LRRC4C: variants seen among roughly 807,000 people sequenced by gnomAD.
LRRC4C encodes leucine-rich repeat-containing protein 4C.
A neutral mutation model predicts 33.6 loss-of-function variants in LRRC4C; 5 were observed. The ratio of observed to expected loss-of-function variants is 0.15; its 90% CI spans 0.08 to 0.31. The LOEUF is 0.31. Among genes scored for constraint, LRRC4C ranks in the 10% least tolerant of loss-of-function variants. LRRC4C has a pLI of 1.00. For synonymous variants in LRRC4C, 329 were observed against 302.0 expected (o/e 1.09, Z -0.93); for missense variants, 560 against 796.7 (o/e 0.70, Z 3.58).
At chr11:41,084,990 A>G (rs562330674) in intron 1 of LRRC4C, among the ~76,000 whole-genome samples, 1 of 152,346 alleles carries the variant, frequency 6.6e-6, no homozygotes, top group East Asian at 1.9e-4. Context: ...CTTAGCATAT[A>G]TAAATAGTGG....
At chr11:40,834,750 A>G (rs779682546) in intron 2 of LRRC4C, among the ~76,000 whole-genome samples, 2 of 152,118 alleles carry the variant, frequency 1.3e-5, no homozygotes, top group Non-Finnish European at 2.9e-5. Context: ...ATAGGAAGCT[A>G]CTATTTTTGT....
intron 1 of LRRC4C, among the ~76,000 whole-genome samples, chr11:41,047,684 C>G (rs746234980): frequency 1.3e-5 from 2 of 152,174 alleles, no homozygotes; most frequent in Non-Finnish European, 2.9e-5. Context: ...TTGTTAATCA[C>G]AGAATTAAAA....
chr11:40,979,033 T>C (rs75321761), intron 1 of LRRC4C, among the ~76,000 whole-genome samples: 3,358 of 152,296 alleles, frequency 0.022, 113 homozygotes, highest in African/African-American at 0.077. Context: ...AGTTCTTCTT[T>C]CTAGGATAAT....
At chr11:40,978,822 G>A (rs1301708692) in intron 1 of LRRC4C, among the ~76,000 whole-genome samples, 1 of 151,588 alleles carries the variant, frequency 6.6e-6, no homozygotes, top group Non-Finnish European at 1.5e-5. Flanking sequence ...AGTAGAGATG[G>A]GATTTCACCA....
chr11:40,488,935 G>C (rs904330873), intron 3 of LRRC4C, among the ~76,000 whole-genome samples: 7 of 152,034 alleles, frequency 4.6e-5, no homozygotes. Flanking sequence ...TTTTAAAAAT[G>C]GAGAATAATA....
At chr11:40,352,198 G>A (rs1202816789) in intron 3 of LRRC4C, among the ~76,000 whole-genome samples, 1 of 117,600 alleles carries the variant, frequency 8.5e-6, no homozygotes, top group Non-Finnish European at 1.8e-5. Context: ...TACTTCCTTC[G>A]AAGGTGTTTT....
At chr11:41,309,796 AGCAAGCTCAGCTATTCT>A (rs1208588853) in intron 1 of LRRC4C, among the ~76,000 whole-genome samples, 1 of 152,242 alleles carries the variant, frequency 6.6e-6, no homozygotes, top group African/African-American at 2.4e-5. Context: ...ATACAGGCCT[AGCAAGCTCAGCTATTCT>A]GCCTTTTACC....
chr11:40,480,662 A>C (rs543224705), intron 3 of LRRC4C, among the ~76,000 whole-genome samples: 12 of 152,286 alleles, frequency 7.9e-5, no homozygotes, highest in Non-Finnish European at 1.2e-4. Context: ...GTATAGACAC[A>C]GATTCTTTGT....
At chr11:40,175,362 G>T (rs765583166) in intron 5 of LRRC4C, among the ~76,000 whole-genome samples, 9 of 152,214 alleles carry the variant, frequency 5.9e-5, no homozygotes, top group African/African-American at 1.9e-4. Context: ...AGGCTTCCCA[G>T]TGAACAAGGA....
intron 5 of LRRC4C, among the ~76,000 whole-genome samples, chr11:40,145,857 G>A (rs184347099): frequency 2.4e-4 from 37 of 152,184 alleles, no homozygotes; most frequent in African/African-American, 8.7e-4. Context: ...TTTAATCAGT[G>A]CGTTGTCACT....
At chr11:40,144,529 A>C (rs923969589) in intron 5 of LRRC4C, among the ~76,000 whole-genome samples, 1 of 152,194 alleles carries the variant, frequency 6.6e-6, no homozygotes, top group African/African-American at 2.4e-5. Context: ...CTTTGTTGAA[A>C]GGTCTTGTTG....
At position 40,704,255 on chromosome 11, in the gene LRRC4C, A is replaced by G. The variant is rs1168550986; in HGVS notation, c.-406-55977T>C. On this transcript the variant is annotated intron_variant, in intron 2 of 6. Coordinates refer to ENST00000528697, the MANE Select transcript of LRRC4C (RefSeq NM_001258419.2). ...GGGACTTGAGCATCCCTTCATTTTC[A>G]TATCAGAGAAGGCTGGGTTTCCTGG... 2.6e-5 allele frequency among the ~76,000 whole-genome samples: 4 copies of G among 152,174 alleles called. No homozygotes were observed. In the East Asian group the frequency reaches 7.7e-4, roughly 29 times the overall value.
Position 40,999,805 on chromosome 11 carries a change from G to T in LRRC4C, c.-495-66082C>A, listed in dbSNP as rs533315167. Reference sequence around the variant, plus strand: ...AAAGTTTTTTGGAAGCACAAAATAAGGAATACCCGAGTTTCCCTAGCAGAG... The same window carrying T: ...AAAGTTTTTTGGAAGCACAAAATAATGAATACCCGAGTTTCCCTAGCAGAG... On this transcript the variant is annotated intron_variant, in intron 1 of 6. Coordinates refer to ENST00000528697, the MANE Select transcript of LRRC4C (RefSeq NM_001258419.2). 1.2e-4 allele frequency among the ~76,000 whole-genome samples: 18 copies of T among 152,174 alleles called. No individual in the cohort carries two copies. In the South Asian group the frequency reaches 3.5e-3, roughly 30 times the overall value.
intron 2 of LRRC4C, among the ~76,000 whole-genome samples, chr11:40,796,899 G>A (rs975651263): frequency 1.3e-5 from 2 of 151,886 alleles, no homozygotes; most frequent in Non-Finnish European, 2.9e-5. Context: ...TGCCGTCCTC[G>A]GCCTCCCCAA....
chr11:40,752,840 T>A (rs1948759991), intron 2 of LRRC4C, among the ~76,000 whole-genome samples: 1 of 152,228 alleles, frequency 6.6e-6, no homozygotes, highest in African/African-American at 2.4e-5. Flanking sequence ...TGTAGCACTA[T>A]TCACAAAAGC....
At chr11:40,524,135 G>A (rs915188462) in intron 3 of LRRC4C, among the ~76,000 whole-genome samples, 6 of 152,134 alleles carry the variant, frequency 3.9e-5, no homozygotes, top group Admixed American at 2.0e-4. Flanking sequence ...TGAAGTAAGG[G>A]TTTTTCCTAT....
chr11:40,709,657 CT>C (rs2136570863), intron 2 of LRRC4C, among the ~76,000 whole-genome samples: 1 of 152,110 alleles, frequency 6.6e-6, no homozygotes, highest in South Asian at 2.1e-4. Context: ...TCATTTCAAA[CT>C]TGGTGAATCT....
At position 40,525,480 on chromosome 11, in the gene LRRC4C, G is replaced by A. The variant is rs151238301; in HGVS notation, c.-270+122662C>T. Among the ~76,000 whole-genome samples the A allele has an allele frequency of 1.5e-4, 23 of 151,936 alleles. No individual in the cohort carries two copies. The South Asian group carries it at 1.9e-3, about 12-fold the overall frequency. On this transcript the variant is annotated intron_variant, in intron 3 of 6. Coordinates refer to ENST00000528697, the MANE Select transcript of LRRC4C (RefSeq NM_001258419.2). ...AGAAATGGCAGGGGGTGGCTGGAGG[G>A]CAACCCCACAATTTACATTACTAAA...
chr11:40,123,406 A>G (rs1855974646), intron 6 of LRRC4C, among the ~76,000 whole-genome samples: 1 of 152,206 alleles, frequency 6.6e-6, no homozygotes, highest in African/African-American at 2.4e-5. Context: ...GCAGAATACA[A>G]AATCAACATA....
Sources: allele counts gnomAD v4.1 joint callset (sites outside exome capture counted in the v4.1 genomes callset), GRCh38; gene constraint gnomAD v4.1.1; transcripts MANE v1.5; gene names NCBI Gene and HGNC (gene_info 2026-07-23, HGNC 2026-07-21).